Variants in RABGAP1L observed in about 807,000 individuals in gnomAD.
RABGAP1L encodes the protein rab GTPase-activating protein 1-like.
RABGAP1L carries 63 observed loss-of-function variants against 137.7 expected under a neutral mutation model. That is an observed-to-expected ratio of 0.46 (90% CI 0.37 to 0.56). The LOEUF (loss-of-function observed/expected upper bound fraction) is 0.56. Ranked by LOEUF, RABGAP1L falls within the 20% of genes least tolerant of loss-of-function variation. RABGAP1L has a pLI of 0.00. For missense variants in RABGAP1L, 1,095 were observed against 1,244.0 expected (o/e 0.88, Z 1.80); for synonymous variants, 431 against 433.7 (o/e 0.99, Z 0.08).
At chr1:174,479,731 A>G (rs997868918) in intron 13 of RABGAP1L, among the ~76,000 whole-genome samples, 1 of 152,192 alleles carries the variant, frequency 6.6e-6, no homozygotes, top group African/African-American at 2.4e-5. Flanking sequence ...TTATTGTAAT[A>G]TACCAATGGT....
In RABGAP1L at chr1:174,780,620, C is replaced by T. The variant is rs547005731; in HGVS notation, c.2211+28266C>T. Among the ~76,000 whole-genome samples the T allele has an allele frequency of 5.3e-5, 8 of 151,826 alleles. No individual in the cohort carries two copies. The East Asian group carries it at 7.8e-4, about 15-fold the overall frequency. On this transcript the variant is annotated intron_variant, in intron 18 of 25. Coordinates refer to ENST00000681986, the MANE Select transcript of RABGAP1L (RefSeq NM_001366446.1). Reference sequence around the variant, plus strand: ...TTCTAGGGTACATGTGCACAACGTGCAGGTTTGTTACATATGTATACATGT... The same window carrying T: ...TTCTAGGGTACATGTGCACAACGTGTAGGTTTGTTACATATGTATACATGT...
intron 10 of RABGAP1L, among the ~76,000 whole-genome samples, chr1:174,298,537 A>G (rs568090549): frequency 1.2e-4 from 19 of 152,020 alleles, no homozygotes; most frequent in Non-Finnish European, 2.4e-4. Context: ...CTTCAGATCC[A>G]ATTTTCTTTC....
intron 11 of RABGAP1L, among the ~76,000 whole-genome samples, chr1:174,338,335 G>A (rs1681660543): frequency 6.6e-6 from 1 of 152,076 alleles, no homozygotes; most frequent in Non-Finnish European, 1.5e-5. Context: ...CTTAAGAGTG[G>A]CAATTGACAG....
chr1:174,859,067 A>C (rs2981896), intron 19 of RABGAP1L, among the ~76,000 whole-genome samples: 53,749 of 152,002 alleles, frequency 0.35, 12,012 homozygotes, highest in African/African-American at 0.64. Context: ...TGGTTATATA[A>C]CAAAAGGAAT....
In RABGAP1L at chr1:174,619,904, G is replaced by A. The variant is rs1672277404; in HGVS notation, c.1711-17471G>A. On this transcript the variant is annotated intron_variant, in intron 13 of 25. Transcript: ENST00000681986. ...TGTATTCAGGAAACCCATCTCACGT[G>A]CAGAGACACACATAGGCTCACAATA... 1.3e-5 allele frequency among the ~76,000 whole-genome samples: 2 copies of A among 152,160 alleles called. 1 individual carries two copies. Among genetic ancestry groups the A allele is most frequent in the South Asian group, 4.1e-4 (2 of 4,832 alleles).
At chr1:174,406,949 AT>A (rs1649350503) in intron 13 of RABGAP1L, among the ~76,000 whole-genome samples, 1 of 152,236 alleles carries the variant, frequency 6.6e-6, no homozygotes, top group South Asian at 2.1e-4. Context: ...ACACTCCTGT[AT>A]TCCAATTTCA....
intron 19 of RABGAP1L, among the ~76,000 whole-genome samples, chr1:174,817,177 G>GCTTC (rs1348321403): frequency 6.6e-6 from 1 of 152,078 alleles, no homozygotes; most frequent in Non-Finnish European, 1.5e-5. Flanking sequence ...TTATAATAGA[G>GCTTC]CTTTTTAAAA....
chr1:174,436,595 T>A (rs1324788552), intron 13 of RABGAP1L, among the ~76,000 whole-genome samples: 1 of 152,148 alleles, frequency 6.6e-6, no homozygotes, highest in Non-Finnish European at 1.5e-5. Flanking sequence ...TTTTCTCCCA[T>A]TTTGTAGGTT....
intron 14 of RABGAP1L, among the ~76,000 whole-genome samples, chr1:174,658,266 T>C (rs1006434234): frequency 6.6e-6 from 1 of 152,192 alleles, no homozygotes; most frequent in Non-Finnish European, 1.5e-5. Context: ...TTCCTGCTAT[T>C]GTGGAGGAGC....
chr1:174,219,536 T>G (rs1357674479), intron 2 of RABGAP1L, among the ~76,000 whole-genome samples: 1 of 144,356 alleles, frequency 6.9e-6, no homozygotes, highest in African/African-American at 2.5e-5. Context: ...AGAGAAAGGA[T>G]TTTTTGGTGA....
intron 18 of RABGAP1L, among the ~76,000 whole-genome samples, chr1:174,779,335 A>G (rs1030560199): frequency 6.6e-6 from 1 of 152,214 alleles, no homozygotes; most frequent in African/African-American, 2.4e-5. Flanking sequence ...TGATTATACC[A>G]TGTGTCATTC....
intron 19 of RABGAP1L, among the ~76,000 whole-genome samples, chr1:174,934,181 T>C (rs1422993935): frequency 6.6e-6 from 1 of 152,106 alleles, no homozygotes; most frequent in Non-Finnish European, 1.5e-5. Context: ...CTCCACCTCC[T>C]GGGTTCAAGC....
At chr1:174,656,721 C>A (rs989020203) in intron 14 of RABGAP1L, among the ~76,000 whole-genome samples, 1 of 152,178 alleles carries the variant, frequency 6.6e-6, no homozygotes, top group Non-Finnish European at 1.5e-5. Flanking sequence ...CTTTTGTGAA[C>A]TAATTCTGTA....
chr1:174,423,015 T>C (rs1032128967), intron 13 of RABGAP1L, among the ~76,000 whole-genome samples: 22 of 152,178 alleles, frequency 1.4e-4, no homozygotes, highest in African/African-American at 4.3e-4. Context: ...TGACATTTTT[T>C]AGCACACTTT....
intron 19 of RABGAP1L, among the ~76,000 whole-genome samples, chr1:174,816,777 G>T: frequency 6.7e-6 from 1 of 150,364 alleles, no homozygotes; most frequent in South Asian, 2.1e-4. Flanking sequence ...CTGTCACCAG[G>T]CTGGAATGCA....
chr1:174,795,423 C>G (rs186505196), intron 18 of RABGAP1L, among the ~76,000 whole-genome samples: 7 of 152,286 alleles, frequency 4.6e-5, no homozygotes, highest in Non-Finnish European at 8.8e-5. Context: ...ACCTTATTAA[C>G]TAGTCTTTAT....
Position 174,363,829 on chromosome 1 carries a change from TTGA to T in RABGAP1L, c.1466-7148_1466-7146del, listed in dbSNP as rs1251511520. On this transcript the variant is annotated intron_variant, in intron 11 of 25. Transcript: ENST00000681986. ...CATATGGTTTTTGTACTTCATTCTG[TTGA>T]TATGATGGATCACATTGATTTATTT... 2.4e-5 allele frequency among the ~76,000 whole-genome samples: 3 copies of T among 124,116 alleles called. No homozygotes were observed. The East Asian group carries it at 6.2e-4, about 26-fold the overall frequency. The allele number at this position is 124,116 out of a possible 152,430, so 81.4% of individuals were successfully genotyped here.
chr1:174,350,904 CA>C lies in RABGAP1L; in HGVS notation c.1466-20074del, dbSNP rs1256754228. ...AGGGGCTGGAGACCGGCCCGGCCAA[CA>C]CAGCGAAACCCCGTCTCCACCAAAA... On this transcript the variant is annotated intron_variant, in intron 11 of 25. Transcript: ENST00000681986. Among the ~76,000 whole-genome samples the C allele has an allele frequency of 2.7e-5, 3 of 109,108 alleles. No homozygotes were observed. In the Admixed American group the frequency reaches 2.8e-4, roughly 10 times the overall value. The allele number at this position is 109,108 out of a possible 152,430, so 71.6% of individuals were successfully genotyped here. A position where few individuals can be genotyped will look rare whatever the true frequency, so the allele number is the denominator to read the frequency against.
intron 18 of RABGAP1L, among the ~76,000 whole-genome samples, chr1:174,787,402 CAA>C (rs35930436): frequency 0.51 from 61,207 of 119,592 alleles, 15,748 homozygotes; most frequent in East Asian, 0.68. Context: ...GACTCTGTGT[CAA>C]AAAAAAAAAA....
Sources: gnomAD v4.1 joint callset for allele counts (sites outside exome capture counted in the v4.1 genomes callset) on GRCh38, gnomAD v4.1.1 for gene constraint, MANE v1.5 for transcripts, NCBI Gene and HGNC (gene_info 2026-07-23, HGNC 2026-07-21) for gene names.